NEK7: variants seen among roughly 807,000 people sequenced by gnomAD.
NEK7 encodes NIMA related kinase 7.
A neutral mutation model predicts 44.6 loss-of-function variants in NEK7; 18 were observed. That is an observed-to-expected ratio of 0.40 (90% confidence interval 0.28 to 0.60). The LOEUF is 0.60. Ranked by LOEUF, NEK7 falls within the 20% of genes least tolerant of loss-of-function variation. NEK7 has a pLI of 0.38. For missense variants in NEK7, 256 were observed against 366.5 expected (o/e 0.70, Z 2.46); for synonymous variants, 130 against 121.1 (o/e 1.07, Z -0.48).
intron 5 of NEK7, among the ~76,000 whole-genome samples, chr1:198,266,313 G>A (rs919357810): frequency 2.6e-5 from 4 of 151,920 alleles, no homozygotes; most frequent in African/African-American, 9.7e-5. Context: ...AATGATAATA[G>A]CTATTGCCAA....
At chr1:198,258,320 T>A (rs1441097896) in intron 3 of NEK7, among the ~76,000 whole-genome samples, 1 of 152,128 alleles carries the variant, frequency 6.6e-6, no homozygotes, top group Non-Finnish European at 1.5e-5. Context: ...ACGCCTGTAG[T>A]CCCAGCTACC....
chr1:198,177,878 T>G (rs182083997), intron 1 of NEK7, among the ~76,000 whole-genome samples: 64 of 152,144 alleles, frequency 4.2e-4, no homozygotes, highest in African/African-American at 1.5e-3. Context: ...ATATGTTTGT[T>G]TTCTAAATGG....
rs1195974697 is a variant in NEK7 at position 198,162,495 on chromosome 1, T to TC, written c.-29+5220dup. ...TTATTCAGACTGTAGTTGTCGCAAC[T>TC]CATAAAGTTGCCTTGAGGAGTAAAT... On this transcript the variant is annotated intron_variant, in intron 1 of 9. Coordinates refer to ENST00000367385, the MANE Select transcript of NEK7 (RefSeq NM_133494.3). Among the ~76,000 whole-genome samples, 4 of 152,238 alleles carry TC rather than the reference T, an allele frequency of 2.6e-5. No homozygotes were observed. In the East Asian group the frequency reaches 7.7e-4, roughly 29 times the overall value.
chr1:198,236,277 A>C (rs1000246077), intron 2 of NEK7, among the ~76,000 whole-genome samples: 1 of 152,182 alleles, frequency 6.6e-6, no homozygotes, highest in African/African-American at 2.4e-5. Context: ...TGTTTGTCAT[A>C]GGCATTGAGT....
intron 1 of NEK7, among the ~76,000 whole-genome samples, chr1:198,190,754 C>T (rs911659834): frequency 2.0e-5 from 3 of 151,684 alleles, no homozygotes; most frequent in Admixed American, 6.6e-5. Context: ...TTATTTCTAC[C>T]GTTATTAGGA....
intron 1 of NEK7, among the ~76,000 whole-genome samples, chr1:198,213,254 G>T (rs1665827528): frequency 6.6e-6 from 1 of 152,162 alleles, no homozygotes; most frequent in Non-Finnish European, 1.5e-5. Context: ...CACCCTGTGG[G>T]ACAAAAGAAA....
At chr1:198,244,022 G>T (rs934645623) in intron 2 of NEK7, among the ~76,000 whole-genome samples, 4 of 148,358 alleles carry the variant, frequency 2.7e-5, no homozygotes, top group Admixed American at 2.0e-4. Flanking sequence ...CCTTTTTAAA[G>T]ATAAAAGATA....
intron 1 of NEK7, among the ~76,000 whole-genome samples, chr1:198,220,091 A>T (rs1666040693): frequency 6.6e-6 from 1 of 152,006 alleles, no homozygotes; most frequent in Non-Finnish European, 1.5e-5. Context: ...ATTCTTTTGT[A>T]AGAAGTAGGT....
At chr1:198,184,504 C>G (rs575094859) in intron 1 of NEK7, among the ~76,000 whole-genome samples, 42 of 152,152 alleles carry the variant, frequency 2.8e-4, no homozygotes, top group African/African-American at 1.0e-3. Flanking sequence ...CTAGATCATT[C>G]AAAGATCTAG....
intron 1 of NEK7, among the ~76,000 whole-genome samples, chr1:198,198,803 G>A (rs1014922461): frequency 9.2e-5 from 14 of 152,098 alleles, no homozygotes; most frequent in Non-Finnish European, 1.8e-4. Context: ...ACAATTCGTC[G>A]GTAGCCCCCA....
intron 3 of NEK7, among the ~76,000 whole-genome samples, chr1:198,254,512 G>A (rs979348131): frequency 3.3e-5 from 5 of 152,126 alleles, no homozygotes; most frequent in African/African-American, 7.2e-5. Context: ...CAATTAGTCC[G>A]TGTTGGTGCA....
intron 2 of NEK7, among the ~76,000 whole-genome samples, chr1:198,246,689 C>T (rs1190059202): frequency 6.6e-6 from 1 of 152,266 alleles, no homozygotes; most frequent in Non-Finnish European, 1.5e-5. Flanking sequence ...AGACTTTGCT[C>T]TCAGCATGCG....
chr1:198,310,143 G>A (rs1010281938), intron 9 of NEK7, among the ~76,000 whole-genome samples: 1 of 152,150 alleles, frequency 6.6e-6, no homozygotes, highest in Non-Finnish European at 1.5e-5. Flanking sequence ...ATTCTAACTG[G>A]TGTGAATTGG....
chr1:198,302,944 G>A (rs961507698), intron 9 of NEK7, among the ~76,000 whole-genome samples: 1 of 152,072 alleles, frequency 6.6e-6, no homozygotes, highest in African/African-American at 2.4e-5. Context: ...AGCATTTCAT[G>A]ATTTTTACTC....
At chr1:198,163,479 AC>A (rs1258110074) in intron 1 of NEK7, among the ~76,000 whole-genome samples, 2 of 151,788 alleles carry the variant, frequency 1.3e-5, no homozygotes, top group African/African-American at 4.8e-5. Context: ...ATGCCACCGC[AC>A]TCCCACCTGG....
At chr1:198,290,529 T>TGTCA (rs1654521962) in intron 7 of NEK7, among the ~76,000 whole-genome samples, 1 of 152,092 alleles carries the variant, frequency 6.6e-6, no homozygotes, top group Admixed American at 6.5e-5. Context: ...CTTTGCTCAG[T>TGTCA]GTCAGTCAGC....
chr1:198,293,027 T>A lies in NEK7; in HGVS notation c.672T>A (p.Cys224Ter). The A allele has an allele frequency of 6.5e-7, 1 of 1,542,758 alleles. No homozygotes were observed. The highest frequency in any genetic ancestry group is 9.0e-7 in the Non-Finnish European group (1 of 1,115,434). Residue 224 changes from cysteine to a stop codon, truncating the protein, a stop_gained, in exon 8 of 10, where the codon TGT becomes TGA. Transcript: ENST00000367385. LOFTEE classifies it high-confidence loss of function. ...NFKSDIWSLG[C>*]LLYEMAALQS... ...AATCTGACATCTGGTCTCTTGGCTG[T>A]CTACTATATGAGGTAGGTAATGTTG... is the stretch of plus-strand genomic sequence containing the variant.
At chr1:198,298,083 C>G (rs1654765961) in intron 9 of NEK7, among the ~76,000 whole-genome samples, 1 of 152,134 alleles carries the variant, frequency 6.6e-6, no homozygotes, top group Non-Finnish European at 1.5e-5. Context: ...TTCATATTAG[C>G]TCTTTATGGA....
intron 1 of NEK7, among the ~76,000 whole-genome samples, chr1:198,223,461 C>T (rs1452736488): frequency 6.6e-6 from 1 of 152,146 alleles, no homozygotes; most frequent in African/African-American, 2.4e-5. Flanking sequence ...GAGTATATGT[C>T]TTTTAATATG....
Sources: allele counts gnomAD v4.1 joint callset (sites outside exome capture counted in the v4.1 genomes callset), GRCh38; gene constraint gnomAD v4.1.1; transcripts MANE v1.5; gene names NCBI Gene and HGNC (gene_info 2026-07-23, HGNC 2026-07-21).